Variants in LATS2 observed in about 807,000 individuals in gnomAD.
LATS2 encodes serine/threonine-protein kinase LATS2.
In LATS2, 24 loss-of-function variants were observed where a neutral mutation model predicts 76.0. The ratio of observed to expected loss-of-function variants is 0.32; its 90% CI spans 0.23 to 0.44. The LOEUF (loss-of-function observed/expected upper bound fraction) is 0.44. LATS2 is among the 20% of genes least tolerant of loss of function. The probability of loss-of-function intolerance (pLI) is 1.00; values close to 1 mark genes in which losing one functional copy is unlikely to be tolerated. For missense variants in LATS2, 1,286 were observed against 1,481.2 expected, an observed-to-expected ratio of 0.87 and a Z score of 2.16; for synonymous variants, 692 against 635.4, an observed-to-expected ratio of 1.09 and a Z score of -1.34.
intron 4 of LATS2, among the ~76,000 whole-genome samples, chr13:20,984,878 C>A (rs375559948): frequency 6.6e-6 from 1 of 152,166 alleles, no homozygotes; most frequent in African/African-American, 2.4e-5. Context: ...GCAAAAAGAA[C>A]AAAATTGTTA....
At chr13:20,999,122 G>C (rs1870913119) in intron 2 of LATS2, among the ~76,000 whole-genome samples, 1 of 152,270 alleles carries the variant, frequency 6.6e-6, no homozygotes, top group Non-Finnish European at 1.5e-5. Context: ...AGCCAATTAT[G>C]ACTGGAAAAC....
Position 20,975,286 on chromosome 13 carries a change from G to C in LATS2, c.2851C>G (p.Leu951Val), listed in dbSNP as rs781512146. 6.2e-7 allele frequency: 1 copy of C among 1,613,094 alleles called. No individual in the cohort carries two copies. Among genetic ancestry groups the C allele is most frequent in the Non-Finnish European group, 8.5e-7 (1 of 1,179,520 alleles). The change falls in exon 8 of 8, where the codon CTG becomes GTG. Residue 951 changes from leucine (L) to valine (V), a missense_variant. By Grantham distance (32) the Leu-to-Val change is conservative. This residue lies in a region of LATS2 where 210 missense variants were observed against 234.9 expected (regional missense o/e 0.89). Coordinates refer to ENST00000382592, the MANE Select transcript of LATS2 (RefSeq NM_014572.3). ...SPEARDLITK[L>V]CCSADHRLGR... Reference sequence around the variant, plus strand: ...AGGCGGTGGTCTGCGGAGCAGCACAGCTTGGTGATGAGGTCCCTGGCCTCA... The same window carrying C: ...AGGCGGTGGTCTGCGGAGCAGCACACCTTGGTGATGAGGTCCCTGGCCTCA...
rs757536873 is a variant in LATS2, at chr13:20,975,235, T to C, written c.2902A>G (p.Lys968Glu). Residue 968 changes from lysine (K) to glutamate (E), a missense_variant, in exon 8 of 8, where the codon AAG becomes GAG. Around this residue, in one of 5 missense-constraint regions of LATS2, gnomAD observed 210 missense variants for 234.9 expected, o/e 0.89. Transcript: ENST00000382592. ...RLGRNGADDL[K>E]AHPFFSAIDF... ...ATGGCGCTGAAGAAGGGGTGGGCCT[T>C]CAGGTCATCGGCCCCATTCCGCCCC... 1.2e-6 allele frequency: 2 copies of C among 1,614,072 alleles called. No homozygotes were observed. The highest frequency in any genetic ancestry group is 1.7e-6 in the Non-Finnish European group (2 of 1,180,030).
chr13:21,050,485 C>G (rs546848190), intron 1 of LATS2, among the ~76,000 whole-genome samples: 1 of 152,156 alleles, frequency 6.6e-6, no homozygotes, highest in Non-Finnish European at 1.5e-5. Flanking sequence ...TGTAGTTTAG[C>G]ACATTTCTTT....
rs767667887 is a variant in LATS2, at chr13:20,987,977, G to C, written c.1803C>G (p.Ala601=). 21 of 1,614,138 alleles carry C rather than the reference G, an allele frequency of 1.3e-5. No individual in the cohort carries two copies. The African/African-American group carries it at 2.5e-4, about 19-fold the overall frequency. ...CGTGCTGCTCCATGAAGAACTTAAA[G>C]GCGTATGGCGAGTAGCTCTTGATGC... ...ESRIKSYSPY[A]FKFFMEQHVE... Residue 601 remains alanine (A), a synonymous_variant, in exon 4 of 8, where the codon GCC becomes GCG. Coordinates refer to ENST00000382592, the MANE Select transcript of LATS2 (RefSeq NM_014572.3).
chr13:21,001,819 C>T (rs1038559830), intron 2 of LATS2, among the ~76,000 whole-genome samples: 24 of 152,072 alleles, frequency 1.6e-4, no homozygotes, highest in East Asian at 1.6e-3. Flanking sequence ...ATGGAGGTTG[C>T]GGTGAGCCGA....
intron 2 of LATS2, among the ~76,000 whole-genome samples, chr13:21,031,269 G>C (rs939109780): frequency 6.6e-6 from 1 of 152,064 alleles, no homozygotes; most frequent in Non-Finnish European, 1.5e-5. Context: ...GAAGTTTTTA[G>C]CTATTACTGT....
chr13:21,014,556 G>T (rs1871724585), intron 2 of LATS2, among the ~76,000 whole-genome samples: 1 of 152,188 alleles, frequency 6.6e-6, no homozygotes, highest in South Asian at 2.1e-4. Context: ...AAGGTTTTAT[G>T]GCAATGCTGA....
At chr13:21,002,194 T>G (rs144696152) in intron 2 of LATS2, among the ~76,000 whole-genome samples, 1 of 151,978 alleles carries the variant, frequency 6.6e-6, no homozygotes, top group African/African-American at 2.4e-5. Flanking sequence ...ATTACACGTG[T>G]GAGCCACTGC....
In LATS2 at chr13:21,046,182, T is replaced by C. The variant is rs556580210; in HGVS notation, c.-156A>G. 5.9e-5 allele frequency: 34 copies of C among 577,754 alleles called. No homozygotes were observed. In the East Asian group the frequency reaches 8.4e-4, roughly 14 times the overall value. The allele number at this position is 577,754 out of a possible 1,614,324, so 35.8% of individuals were successfully genotyped here. On this transcript the variant is annotated 5_prime_UTR_variant, in exon 2 of 8. Coordinates refer to ENST00000382592, the MANE Select transcript of LATS2 (RefSeq NM_014572.3). ...TTTCCTTCCATTTTTGTAGTTCCTATAGAGAACCTAAAATTTTCCAAAGTC... is the reference window on the plus strand; with the variant it reads ...TTTCCTTCCATTTTTGTAGTTCCTACAGAGAACCTAAAATTTTCCAAAGTC...
intron 2 of LATS2, among the ~76,000 whole-genome samples, chr13:21,029,593 C>T (rs1419235524): frequency 6.6e-6 from 1 of 151,960 alleles, no homozygotes; most frequent in Non-Finnish European, 1.5e-5. Flanking sequence ...GAGTTCGAGA[C>T]CAGCCTGGCC....
intron 2 of LATS2, among the ~76,000 whole-genome samples, chr13:21,028,938 T>C (rs1872418740): frequency 6.6e-6 from 1 of 152,234 alleles, no homozygotes; most frequent in African/African-American, 2.4e-5. Flanking sequence ...TGACCTTGTA[T>C]CCTGTGACCA....
intron 1 of LATS2, among the ~76,000 whole-genome samples, chr13:21,057,000 T>C (rs2077121016): frequency 6.6e-6 from 1 of 152,170 alleles, no homozygotes; most frequent in African/African-American, 2.4e-5. Context: ...GTACATTTAA[T>C]GAGAAAAATG....
At chr13:20,986,129 T>C (rs189731425) in intron 4 of LATS2, among the ~76,000 whole-genome samples, 19 of 152,302 alleles carry the variant, frequency 1.2e-4, no homozygotes, top group Non-Finnish European at 1.3e-4. Flanking sequence ...CATGGAAAGA[T>C]GCTCATTAAC....
At chr13:20,998,527 A>G (rs1247219218) in intron 2 of LATS2, among the ~76,000 whole-genome samples, 2 of 152,060 alleles carry the variant, frequency 1.3e-5, no homozygotes, top group African/African-American at 2.4e-5. Context: ...AGAATCTCTG[A>G]CCCAAAGGCC....
intron 2 of LATS2, among the ~76,000 whole-genome samples, chr13:20,992,050 C>T (rs978775885): frequency 3.3e-5 from 5 of 152,128 alleles, no homozygotes; most frequent in African/African-American, 1.2e-4. Flanking sequence ...TGGTGGCCAC[C>T]ACGGGAGAGG....
chr13:20,983,729 C>T lies in LATS2; in HGVS notation c.1977G>A (p.Lys659=). ...ACATAGACTTGTCCATCTTGGCCCTCTTTAACCTGTTGTAATTAGACTCTT... is the reference window on the plus strand; with the variant it reads ...ACATAGACTTGTCCATCTTGGCCCTTTTTAACCTGTTGTAATTAGACTCTT... ...YQKESNYNRL[K]RAKMDKSMFV... Residue 659 remains lysine, a synonymous_variant, in exon 5 of 8, where the codon AAG becomes AAA. Coordinates refer to ENST00000382592, the MANE Select transcript of LATS2 (RefSeq NM_014572.3). The T allele has an allele frequency of 6.2e-7, 1 of 1,614,204 alleles. No individual in the cohort carries two copies. The highest frequency in any genetic ancestry group is 8.5e-7 in the Non-Finnish European group (1 of 1,180,034).
intron 1 of LATS2, among the ~76,000 whole-genome samples, chr13:21,054,277 G>A (rs1021450471): frequency 2.0e-5 from 3 of 152,038 alleles, no homozygotes; most frequent in Non-Finnish European, 4.4e-5. Flanking sequence ...TGGCCAACAT[G>A]GCAAAACCCT....
rs1241799247 is a variant in LATS2 at position 20,973,471 on chromosome 13, T to C, written c.*1399A>G. The stretch of plus-strand genomic sequence containing the variant: ...TTACTCAAATATAAATCACTTTAAA[T>C]AGGAATCATACTAATTTGAAATAAG... On this transcript the variant is annotated 3_prime_UTR_variant, in exon 8 of 8. Transcript: ENST00000382592. 1.3e-5 allele frequency: 3 copies of C among 232,448 alleles called. No homozygotes were observed. Among genetic ancestry groups the C allele is most frequent in the Non-Finnish European group, 2.6e-5 (3 of 117,496 alleles). The allele number at this position is 232,448 out of a possible 1,614,324, so 14.4% of individuals were successfully genotyped here. A position where few individuals can be genotyped will look rare whatever the true frequency, so the allele number is the denominator to read the frequency against.
Sources: allele counts gnomAD v4.1 joint callset (sites outside exome capture counted in the v4.1 genomes callset), GRCh38; gene constraint gnomAD v4.1.1; regional missense constraint gnomAD v4.1.1; transcripts MANE v1.5; gene names NCBI Gene and HGNC (gene_info 2026-07-23, HGNC 2026-07-21).